The following POLR1B variants were observed in gnomAD, a reference collection of about 807,000 sequenced individuals.
POLR1B encodes the protein DNA-directed RNA polymerase I subunit RPA2.
A neutral mutation model predicts 105.8 loss-of-function variants in POLR1B; 30 were observed. The observed-to-expected ratio is 0.28, with a 90% CI of 0.21 to 0.38. The LOEUF (loss-of-function observed/expected upper bound fraction) is 0.38, where lower values mean the gene tolerates loss of function less well. POLR1B is among the 10% of genes least tolerant of loss of function. The pLI is 1.00. For synonymous variants in POLR1B, 485 were observed against 505.1 expected (o/e 0.96, Z 0.53); for missense variants, 976 against 1,435.8 (o/e 0.68, Z 5.17).
Position 112,552,591 on chromosome 2 carries a change from A to C in POLR1B, c.987-54A>C. 3 of 1,444,038 alleles carry C rather than the reference A, an allele frequency of 2.1e-6. No homozygotes were observed. In the South Asian group the frequency reaches 4.2e-5, roughly 20 times the overall value. 89.5% of individuals were successfully genotyped at this position (1,444,038 alleles called of 1,614,324 possible). A position where few individuals can be genotyped will look rare whatever the true frequency, so the allele number is the denominator to read the frequency against. On this transcript the variant is annotated intron_variant, in intron 6 of 14. Coordinates refer to ENST00000263331, the MANE Select transcript of POLR1B (RefSeq NM_019014.6). ...GGGGATCTTGGTTAATAGAATATTAAGTAGTATTACCAACTGAATTGTTTT... is the reference window on the plus strand; with the variant it reads ...GGGGATCTTGGTTAATAGAATATTACGTAGTATTACCAACTGAATTGTTTT...
chr2:112,544,691 G>T lies in POLR1B; in HGVS notation c.177+2020G>T, dbSNP rs1437673. On this transcript the variant is annotated intron_variant, in intron 1 of 14. Transcript: ENST00000263331. ...ACTTAGCTAGGACTATAATAATATA[G>T]TATTTGAAAAAGTTCTGTAAAACAC... Among the ~76,000 whole-genome samples the T allele has an allele frequency of 1.5e-4, 23 of 151,922 alleles. No individual in the cohort carries two copies. In the South Asian group the frequency reaches 4.6e-3, roughly 30 times the overall value.
Position 112,550,863 on chromosome 2 carries a change from T to C in POLR1B, c.626-3T>C, listed in dbSNP as rs377316727. 36 of 1,613,168 alleles carry C rather than the reference T, an allele frequency of 2.2e-5. No individual in the cohort carries two copies. Among genetic ancestry groups the C allele is most frequent in the African/African-American group, 5.3e-5 (4 of 74,906 alleles). Reference sequence around the variant, plus strand: ...CTGATTTTTTTGTTGTTTGGTTCAATAGGAGTTTCAATGCACTGTGTGAGG... The same window carrying C: ...CTGATTTTTTTGTTGTTTGGTTCAACAGGAGTTTCAATGCACTGTGTGAGG... On this transcript the variant is annotated splice_region_variant and splice_polypyrimidine_tract_variant and intron_variant, in intron 4 of 14. Transcript: ENST00000263331.
intron 12 of POLR1B, among the ~76,000 whole-genome samples, chr2:112,571,699 A>G (rs752890144): frequency 2.0e-5 from 3 of 152,000 alleles, no homozygotes; most frequent in Non-Finnish European, 4.4e-5. Flanking sequence ...CCCCTTCCCA[A>G]TTGTTGTCAT....
In POLR1B at chr2:112,568,815, C is replaced by T. The variant is rs1684440385; in HGVS notation, c.1987C>T (p.Pro663Ser). The T allele has an allele frequency of 6.2e-7, 1 of 1,614,012 alleles. No individual in the cohort carries two copies. Among genetic ancestry groups the T allele is most frequent in the Non-Finnish European group, 8.5e-7 (1 of 1,179,978 alleles). The change falls in exon 12 of 15, where the codon CCA becomes TCA. Residue 663 changes from proline (P) to serine (S), a missense_variant. Around this residue, in one of 12 missense-constraint regions of POLR1B, gnomAD observed 184 missense variants for 197.4 expected, o/e 0.93. Transcript: ENST00000263331. ...AGVTTHQELF[P>S]HSLLSVIANF... ...AGTTACCACACACCAGGAACTCTTT[C>T]CACACAGCCTGCTGAGTGTGATTGC...
At chr2:112,563,695 C>T (rs557551621) in intron 9 of POLR1B, among the ~76,000 whole-genome samples, 3 of 151,854 alleles carry the variant, frequency 2.0e-5, no homozygotes, top group East Asian at 3.9e-4. Context: ...CCCAGGAGTT[C>T]GAGACCAGCC....
chr2:112,568,811 CTT>C lies in POLR1B; in HGVS notation c.1985_1986del (p.Phe662SerfsTer16). On this transcript the variant is annotated frameshift_variant, in exon 12 of 15. Transcript: ENST00000263331. LOFTEE classifies it high-confidence loss of function. ...FAGVTTHQEL[F>X]PHSLLSVIAN... ...CTGGAGTTACCACACACCAGGAACT[CTT>C]TCCACACAGCCTGCTGAGTGTGATT... 1 of 1,614,162 alleles carries C rather than the reference CTT, an allele frequency of 6.2e-7. No individual in the cohort carries two copies. Among genetic ancestry groups the C allele is most frequent in the Non-Finnish European group, 8.5e-7 (1 of 1,179,988 alleles).
Position 112,568,129 on chromosome 2 carries a change from A to C in POLR1B, c.1909A>C (p.Met637Leu). 6.2e-7 allele frequency: 1 copy of C among 1,613,678 alleles called. No homozygotes were observed. The highest frequency in any genetic ancestry group is 8.5e-7 in the Non-Finnish European group (1 of 1,179,578). ...GGGCAAAGAAGAGCTAATTGGAACTATGGAACAGGTAAATACATATGTGTG... is the reference window on the plus strand; with the variant it reads ...GGGCAAAGAAGAGCTAATTGGAACTCTGGAACAGGTAAATACATATGTGTG... The part of the protein sequence containing the change: ...ALGKEELIGT[M>L]EQIFMNVAIF... The change falls in exon 11 of 15, where the codon ATG becomes CTG. Residue 637 changes from methionine to leucine, a missense_variant. By Grantham distance (15) the Met-to-Leu change is conservative. Around this residue, in one of 12 missense-constraint regions of POLR1B, gnomAD observed 184 missense variants for 197.4 expected, o/e 0.93. Coordinates refer to ENST00000263331, the MANE Select transcript of POLR1B (RefSeq NM_019014.6).
In POLR1B at chr2:112,547,291, G is replaced by C. The variant is rs568334353; in HGVS notation, c.345+112G>C. On this transcript the variant is annotated intron_variant, in intron 2 of 14. Transcript: ENST00000263331. ...GCTTTCTTGGTGCTATTGTCTAAGAGATCCCACCTTCTAAATCTAAGGCAT... is the reference window on the plus strand; with the variant it reads ...GCTTTCTTGGTGCTATTGTCTAAGACATCCCACCTTCTAAATCTAAGGCAT... The C allele has an allele frequency of 2.7e-6, 4 of 1,485,972 alleles. No homozygotes were observed. In the African/African-American group the frequency reaches 5.6e-5, roughly 21 times the overall value. 92.0% of individuals were successfully genotyped at this position (1,485,972 alleles called of 1,614,324 possible).
At chr2:112,567,271 T>C (rs1415051042) in intron 10 of POLR1B, among the ~76,000 whole-genome samples, 5 of 152,174 alleles carry the variant, frequency 3.3e-5, no homozygotes, top group Non-Finnish European at 1.5e-5. Flanking sequence ...TAGCTGTGAA[T>C]CCCCATGAGT....
At chr2:112,547,711 A>G (rs1683131728) in intron 3 of POLR1B, 144 bp downstream of exon 3, 2 of 796,836 alleles carry the variant, frequency 2.5e-6, no homozygotes, top group Non-Finnish European at 1.9e-6. Context: ...CATACAGTGT[A>G]TGGCTCTGAA....
At chr2:112,545,965 G>A (rs890322220) in intron 1 of POLR1B, 3 of 157,888 alleles carry the variant, frequency 1.9e-5, no homozygotes, top group Non-Finnish European at 4.2e-5. Flanking sequence ...AATAAAATAT[G>A]AATTTCTAAA....
chr2:112,552,625 T>A lies in POLR1B; in HGVS notation c.987-20T>A, dbSNP rs757716373. On this transcript the variant is annotated intron_variant, in intron 6 of 14. Coordinates refer to ENST00000263331, the MANE Select transcript of POLR1B (RefSeq NM_019014.6). ...ACCAACTGAATTGTTTTAAGCTTTTTTTTTTTTCTGTTTTCACAGCCAGTG... is the reference window on the plus strand; with the variant it reads ...ACCAACTGAATTGTTTTAAGCTTTTATTTTTTTCTGTTTTCACAGCCAGTG... 5 of 1,538,088 alleles carry A rather than the reference T, an allele frequency of 3.3e-6. No individual in the cohort carries two copies. Among genetic ancestry groups the A allele is most frequent in the Non-Finnish European group, 1.7e-6 (2 of 1,144,182 alleles).
At chr2:112,545,598 G>A (rs576509168) in intron 1 of POLR1B, among the ~76,000 whole-genome samples, 2 of 151,778 alleles carry the variant, frequency 1.3e-5, no homozygotes, top group East Asian at 1.9e-4. Context: ...GTGCAGCTGC[G>A]TCTTGAGAAA....
Position 112,575,628 on chromosome 2 carries a change from C to T in POLR1B, c.3307C>T (p.Arg1103Cys), listed in dbSNP as rs765193966. 67 of 1,613,920 alleles carry T rather than the reference C, an allele frequency of 4.2e-5. No homozygotes were observed. Among genetic ancestry groups the T allele is most frequent in the Middle Eastern group, 3.3e-4 (2 of 6,082 alleles). Residue 1103 changes from arginine (R) to cysteine (C), a missense_variant, in exon 15 of 15, where the codon CGC becomes TGC. By Grantham distance (180) the Arg-to-Cys change is radical. Transcript: ENST00000263331. The surrounding 1 kb of genome is among the most constrained non-coding windows in gnomAD (Gnocchi z 5.3). The stretch of plus-strand genomic sequence containing the variant: ...AAAATACAACTGTACTCTGTGTAGT[C>T]GCAGTGACACTATCGATACTGTTTC... ...NRKYNCTLCS[R>C]SDTIDTVSVP...
intron 14 of POLR1B, 25 bp from the exon 15 acceptor site, chr2:112,574,822 C>A: frequency 6.3e-7 from 1 of 1,576,898 alleles, no homozygotes; most frequent in African/African-American, 1.4e-5. Context: ...AATAGGTTGA[C>A]CTTATATGGT....
chr2:112,571,854 C>T (rs1018737970), intron 12 of POLR1B, among the ~76,000 whole-genome samples: 1 of 152,122 alleles, frequency 6.6e-6, no homozygotes, highest in Non-Finnish European at 1.5e-5. Context: ...TTCCTTTTGT[C>T]CAAGTAAAAA....
At chr2:112,569,205 T>A (rs140936899) in intron 12 of POLR1B, among the ~76,000 whole-genome samples, 44 of 152,316 alleles carry the variant, frequency 2.9e-4, no homozygotes, top group African/African-American at 1.0e-3. Context: ...TGAGGTCTTA[T>A]TATTTGATTT....
rs1319128765 is a variant in POLR1B, at chr2:112,579,577, G to C, written c.*3848G>C. 1 of 152,160 alleles carries C rather than the reference G, an allele frequency of 6.6e-6. No homozygotes were observed. Among genetic ancestry groups the C allele is most frequent in the Non-Finnish European group, 1.5e-5 (1 of 68,032 alleles). The allele number at this position is 152,160 out of a possible 1,614,324, so 9.4% of individuals were successfully genotyped here. ...ATTTGTTGCAACACCATTGCACTTG[G>C]ACCAGCCCACTATTTCTTATTTTAG... On this transcript the variant is annotated 3_prime_UTR_variant, in exon 15 of 15. Coordinates refer to ENST00000263331, the MANE Select transcript of POLR1B (RefSeq NM_019014.6).
Position 112,575,272 on chromosome 2 carries a change from G to A in POLR1B, c.2951G>A (p.Ser984Asn). Reference protein sequence around the residue: ...YGTERLYSGISGLELEADIFI... With the variant: ...YGTERLYSGINGLELEADIFI... ...ACCGAGAGGTTATATAGTGGCATCA[G>A]TGGGCTAGAACTGGAAGCAGACATC... The change falls in exon 15 of 15, where the codon AGT becomes AAT. Residue 984 changes from serine to asparagine, a missense_variant. Ser to Asn is a conservative substitution (Grantham distance 46). Coordinates refer to ENST00000263331, the MANE Select transcript of POLR1B (RefSeq NM_019014.6). This position sits in a 1 kb window ranked among gnomAD's most constrained non-coding sequence, Gnocchi z 5.3. The A allele has an allele frequency of 6.2e-7, 1 of 1,614,178 alleles. No individual in the cohort carries two copies. The highest frequency in any genetic ancestry group is 8.5e-7 in the Non-Finnish European group (1 of 1,180,032).
Sources: gnomAD v4.1 joint callset for allele counts (sites outside exome capture counted in the v4.1 genomes callset) on GRCh38, gnomAD v4.1.1 for gene constraint, gnomAD v4.1.1 regional missense constraint, Gnocchi (gnomAD v3.1) non-coding constraint, MANE v1.5 for transcripts, NCBI Gene and HGNC (gene_info 2026-07-23, HGNC 2026-07-21) for gene names.